KCNMB4: variants seen among roughly 807,000 people sequenced by gnomAD.
KCNMB4 encodes potassium calcium-activated channel subfamily M regulatory beta subunit 4.
Under a neutral mutation model 20.7 loss-of-function variants are expected in KCNMB4, and 3 were observed. The observed-to-expected ratio is 0.14, with a 90% CI of 0.07 to 0.37. The LOEUF is 0.37. Among genes scored for constraint, KCNMB4 ranks in the 10% least tolerant of loss-of-function variants. The pLI is 1.00. For missense variants in KCNMB4, 168 were observed against 265.9 expected, an observed-to-expected ratio of 0.63 and a Z score of 2.56; for synonymous variants, 110 against 113.4, an observed-to-expected ratio of 0.97 and a Z score of 0.19.
chr12:70,407,306 G>A (rs961050298), intron 2 of KCNMB4, among the ~76,000 whole-genome samples: 1 of 152,008 alleles, frequency 6.6e-6, no homozygotes, highest in South Asian at 2.1e-4. Context: ...GCACCTTGAT[G>A]TATGCACCAA....
chr12:70,427,013 T>G (rs996694965), intron 2 of KCNMB4, among the ~76,000 whole-genome samples: 3 of 152,208 alleles, frequency 2.0e-5, no homozygotes, highest in Admixed American at 6.5e-5. Flanking sequence ...TCCCTAGATA[T>G]AGAGTAATTA....
chr12:70,367,364 A>G (rs1001013809), intron 1 of KCNMB4, among the ~76,000 whole-genome samples: 34 of 152,162 alleles, frequency 2.2e-4, no homozygotes, highest in Non-Finnish European at 1.8e-4. Flanking sequence ...CGCCTACCGG[A>G]CTGGGTTTGG....
chr12:70,425,652 A>G (rs921991632), intron 2 of KCNMB4, among the ~76,000 whole-genome samples: 2 of 152,182 alleles, frequency 1.3e-5, no homozygotes, highest in African/African-American at 4.8e-5. Context: ...GTTATCTGGG[A>G]AAGATCACAT....
chr12:70,423,655 T>A (rs1869130314), intron 2 of KCNMB4, among the ~76,000 whole-genome samples: 1 of 152,122 alleles, frequency 6.6e-6, no homozygotes. Context: ...TTTTTTTATA[T>A]TTTGTAGAGA....
chr12:70,433,773 T>C lies in KCNMB4; in HGVS notation c.*3120T>C, dbSNP rs559048075. The C allele has an allele frequency of 6.6e-6, 1 of 152,260 alleles. No individual in the cohort carries two copies. The highest frequency in any genetic ancestry group is 2.4e-5 in the African/African-American group (1 of 41,460). 9.4% of individuals were successfully genotyped at this position (152,260 alleles called of 1,614,324 possible). A position where few individuals can be genotyped will look rare whatever the true frequency, so the allele number is the denominator to read the frequency against. The stretch of plus-strand genomic sequence containing the variant: ...CCTTGGTGAAATCATGAATCTGCTA[T>C]CTAGGAGAAACTCCCTTGTCCATTG... On this transcript the variant is annotated 3_prime_UTR_variant, in exon 3 of 3. Transcript: ENST00000258111.
chr12:70,399,683 A>G (rs942591682), intron 1 of KCNMB4, among the ~76,000 whole-genome samples: 1 of 152,164 alleles, frequency 6.6e-6, no homozygotes, highest in African/African-American at 2.4e-5. Context: ...AAATACACTG[A>G]TTATGTATTT....
chr12:70,379,241 TCTTTGAAA>T (rs1488391293), intron 1 of KCNMB4, among the ~76,000 whole-genome samples: 3 of 152,180 alleles, frequency 2.0e-5, no homozygotes, highest in Admixed American at 1.3e-4. Context: ...GTCAGCCTGT[TCTTTGAAA>T]CTTTGAAGCC....
intron 1 of KCNMB4, among the ~76,000 whole-genome samples, chr12:70,371,583 G>T (rs1273107973): frequency 6.6e-6 from 1 of 152,132 alleles, no homozygotes; most frequent in East Asian, 1.9e-4. Flanking sequence ...TATTTATCTT[G>T]AAAAAGTGGC....
Position 70,366,617 on chromosome 12 carries a change from T to A in KCNMB4, c.-118T>A. 1 of 679,104 alleles carries A rather than the reference T, an allele frequency of 1.5e-6. No homozygotes were observed. The highest frequency in any genetic ancestry group is 2.0e-6 in the Non-Finnish European group (1 of 502,838). The allele number at this position is 679,104 out of a possible 1,614,324, so 42.1% of individuals were successfully genotyped here. The stretch of plus-strand genomic sequence containing the variant: ...CGCTCCCCCTCGCCGCCCACTCCCC[T>A]GCTGTCGCGCGGCGGCGGCGGTGGC... On this transcript the variant is annotated 5_prime_UTR_variant, in exon 1 of 3. Transcript: ENST00000258111.
intron 2 of KCNMB4, among the ~76,000 whole-genome samples, chr12:70,408,081 A>C (rs1344798079): frequency 6.6e-6 from 1 of 152,192 alleles, no homozygotes; most frequent in Non-Finnish European, 1.5e-5. Context: ...TTCCCTATCC[A>C]TCATCTCACT....
At chr12:70,380,738 A>G (rs1002857941) in intron 1 of KCNMB4, among the ~76,000 whole-genome samples, 1 of 152,202 alleles carries the variant, frequency 6.6e-6, no homozygotes, top group Non-Finnish European at 1.5e-5. Context: ...AGTCTTTTCA[A>G]TCAGTGGTGC....
chr12:70,382,230 G>A (rs961745392), intron 1 of KCNMB4, among the ~76,000 whole-genome samples: 18 of 151,828 alleles, frequency 1.2e-4, no homozygotes, highest in African/African-American at 4.1e-4. Context: ...CGGATCACGA[G>A]GTCAGGAGAT....
chr12:70,394,493 T>G (rs1211242847), intron 1 of KCNMB4, among the ~76,000 whole-genome samples: 4 of 152,190 alleles, frequency 2.6e-5, no homozygotes, highest in African/African-American at 9.7e-5. Context: ...CTTTCAGATG[T>G]GGATAAACAT....
intron 1 of KCNMB4, among the ~76,000 whole-genome samples, chr12:70,388,715 C>G (rs149197919): frequency 1.7e-3 from 255 of 152,178 alleles, no homozygotes; most frequent in African/African-American, 5.9e-3. Context: ...CCTCAGTTCC[C>G]TCACCTGTAA....
chr12:70,400,231 A>T lies in KCNMB4; in HGVS notation c.359A>T (p.Lys120Met). The stretch of plus-strand genomic sequence containing the variant: ...TAGTGCTCCTATATCCCTCCCTGTA[A>T]GAGAGAAAATCAGAAGAATTTGGAA... ...NPKCSYIPPCKRENQKNLESV... is the reference protein window; with the variant it reads ...NPKCSYIPPCMRENQKNLESV... Residue 120 changes from lysine (K) to methionine (M), a missense_variant, in exon 2 of 3, where the codon AAG (lysine) becomes ATG (methionine). Physicochemically the swap from Lys to Met is moderately conservative, Grantham distance 95 (BLOSUM62 -1). Coordinates refer to ENST00000258111, the MANE Select transcript of KCNMB4 (RefSeq NM_014505.6). 6.2e-7 allele frequency: 1 copy of T among 1,611,050 alleles called. No homozygotes were observed. The highest frequency in any genetic ancestry group is 8.5e-7 in the Non-Finnish European group (1 of 1,178,312).
chr12:70,431,147 C>T lies in KCNMB4; in HGVS notation c.*494C>T, dbSNP rs900258228. 1 of 151,910 alleles carries T rather than the reference C, an allele frequency of 6.6e-6. No individual in the cohort carries two copies. Among genetic ancestry groups the T allele is most frequent in the Non-Finnish European group, 1.5e-5 (1 of 68,078 alleles). The allele number at this position is 151,910 out of a possible 1,614,324, so 9.4% of individuals were successfully genotyped here. Reference sequence around the variant, plus strand: ...TGACAACAAGGATTCCTGCTGAAGTCTGAACCTTACTGTGTAACCCTCAGT... The same window carrying T: ...TGACAACAAGGATTCCTGCTGAAGTTTGAACCTTACTGTGTAACCCTCAGT... On this transcript the variant is annotated 3_prime_UTR_variant, in exon 3 of 3. Transcript: ENST00000258111.
At chr12:70,382,986 T>C (rs1883820981) in intron 1 of KCNMB4, among the ~76,000 whole-genome samples, 1 of 152,218 alleles carries the variant, frequency 6.6e-6, no homozygotes. Flanking sequence ...AAACCTGTAC[T>C]ATGAGTGTAC....
chr12:70,393,683 T>TA (rs1027288497), intron 1 of KCNMB4, among the ~76,000 whole-genome samples: 4 of 152,254 alleles, frequency 2.6e-5, no homozygotes, highest in Admixed American at 6.5e-5. Context: ...AAATTCTAAC[T>TA]AAAAAAACTA....
chr12:70,406,841 C>T, intron 2 of KCNMB4, among the ~76,000 whole-genome samples: 1 of 152,162 alleles, frequency 6.6e-6, no homozygotes, highest in East Asian at 1.9e-4. Context: ...ACTATTCCTC[C>T]AGAAGTGTGA....
Sources: gnomAD v4.1 joint callset for allele counts (sites outside exome capture counted in the v4.1 genomes callset) on GRCh38, gnomAD v4.1.1 for gene constraint, MANE v1.5 for transcripts, NCBI Gene and HGNC (gene_info 2026-07-23, HGNC 2026-07-21) for gene names.